The following ALPK2 variants were observed in gnomAD, a reference collection of about 807,000 sequenced individuals.
ALPK2 encodes the protein alpha kinase 2.
ALPK2 carries 127 observed loss-of-function variants against 163.1 expected under a neutral mutation model. That is an observed-to-expected ratio of 0.78 (90% CI 0.67 to 0.90). The LOEUF is 0.90. Ranked by LOEUF, ALPK2 falls within the 40% of genes least tolerant of loss-of-function variation. ALPK2 has a pLI of 0.00. For synonymous variants in ALPK2, 953 were observed against 959.1 expected (o/e 0.99, Z 0.12); for missense variants, 2,360 against 2,589.6 (o/e 0.91, Z 1.92).
intron 1 of ALPK2, among the ~76,000 whole-genome samples, chr18:58,623,806 A>G (rs2052214807): frequency 6.6e-6 from 1 of 152,190 alleles, no homozygotes; most frequent in African/African-American, 2.4e-5. Context: ...GTTCTGTGGA[A>G]GAACATTTTA....
At chr18:58,560,585 A>G (rs979926616) in intron 4 of ALPK2, among the ~76,000 whole-genome samples, 1 of 152,180 alleles carries the variant, frequency 6.6e-6, no homozygotes, top group Non-Finnish European at 1.5e-5. Context: ...GGTCAAAGAT[A>G]ATTTCCCCAT....
At chr18:58,516,256 T>G (rs1023384298) in intron 9 of ALPK2, among the ~76,000 whole-genome samples, 1 of 149,792 alleles carries the variant, frequency 6.7e-6, no homozygotes, top group African/African-American at 2.5e-5. Flanking sequence ...GTGAAATATA[T>G]GGACCAAATA....
intron 11 of ALPK2, among the ~76,000 whole-genome samples, chr18:58,503,518 G>A (rs932806929): frequency 6.6e-6 from 1 of 152,102 alleles, no homozygotes; most frequent in Non-Finnish European, 1.5e-5. Context: ...CGTCCAGGAC[G>A]CTGTCTCTAC....
chr18:58,582,085 A>C (rs182726436), intron 3 of ALPK2, among the ~76,000 whole-genome samples: 1 of 152,330 alleles, frequency 6.6e-6, no homozygotes, highest in African/African-American at 2.4e-5. Context: ...GGTAGAAGCC[A>C]TTCAGGAGCG....
chr18:58,600,027 CTTTTTTTTTTTTTT>C (rs1166291584), intron 3 of ALPK2, among the ~76,000 whole-genome samples: 1 of 66,860 alleles, frequency 1.5e-5, no homozygotes, highest in African/African-American at 6.3e-5. Context: ...ATGGGGATAT[CTTTTTTTTTTTTTT>C]TTTTTTTTTT....
intron 12 of ALPK2, among the ~76,000 whole-genome samples, chr18:58,497,270 C>T (rs963141462): frequency 4.6e-5 from 7 of 152,236 alleles, no homozygotes; most frequent in African/African-American, 1.7e-4. Flanking sequence ...AAGTCATGAG[C>T]TCTCTTTTCC....
intron 4 of ALPK2, among the ~76,000 whole-genome samples, chr18:58,572,444 T>A (rs1421008838): frequency 6.6e-6 from 1 of 152,226 alleles, no homozygotes; most frequent in Non-Finnish European, 1.5e-5. Flanking sequence ...AAAGTCTGTA[T>A]ATAAATGTTT....
chr18:58,576,095 C>T (rs915255600), intron 4 of ALPK2, among the ~76,000 whole-genome samples: 3 of 152,084 alleles, frequency 2.0e-5, no homozygotes, highest in Non-Finnish European at 4.4e-5. Flanking sequence ...CAAATTTGAC[C>T]GAGCGTGGTG....
rs10689097 is a variant in ALPK2, at chr18:58,564,123, C to CTTTTTTT, written c.1962+14684_1962+14690dup. Among the ~76,000 whole-genome samples, 790 of 102,422 alleles carry CTTTTTTT rather than the reference C, an allele frequency of 7.7e-3. 76 individuals carry two copies. Among genetic ancestry groups the CTTTTTTT allele is most frequent in the African/African-American group, 0.03 (731 of 24,166 alleles). The allele number at this position is 102,422 out of a possible 152,430, so 67.2% of individuals were successfully genotyped here. On this transcript the variant is annotated intron_variant, in intron 4 of 12. Transcript: ENST00000361673. The stretch of plus-strand genomic sequence containing the variant: ...GAATTGCGTATTTGATGTCTTTGTT[C>CTTTTTTT]TTTTTTTTTTTTTTTTGAGATGGAG...
At chr18:58,560,983 T>G (rs1423038955) in intron 4 of ALPK2, among the ~76,000 whole-genome samples, 2 of 152,214 alleles carry the variant, frequency 1.3e-5, no homozygotes, top group Non-Finnish European at 2.9e-5. Flanking sequence ...TTACTGTGAT[T>G]GAGATTTTTT....
At chr18:58,596,989 T>TA (rs1395949710) in intron 3 of ALPK2, among the ~76,000 whole-genome samples, 96 of 149,998 alleles carry the variant, frequency 6.4e-4, no homozygotes, top group East Asian at 4.3e-3. Context: ...CCAAGCTAAT[T>TA]AAAAAAAAAC....
At chr18:58,488,083 A>G (rs2051349610) in intron 12 of ALPK2, among the ~76,000 whole-genome samples, 1 of 151,338 alleles carries the variant, frequency 6.6e-6, no homozygotes, top group East Asian at 1.9e-4. Context: ...CCTTTGAGCA[A>G]CAAGGAGATA....
intron 3 of ALPK2, among the ~76,000 whole-genome samples, chr18:58,598,663 T>C (rs1452105980): frequency 6.6e-6 from 1 of 152,174 alleles, no homozygotes; most frequent in Non-Finnish European, 1.5e-5. Context: ...CAGGGCCTGA[T>C]TAGTTTCAGC....
intron 4 of ALPK2, among the ~76,000 whole-genome samples, chr18:58,556,525 AC>A (rs1270949086): frequency 1.3e-5 from 2 of 151,224 alleles, no homozygotes; most frequent in African/African-American, 4.9e-5. Context: ...GTGCATTTCT[AC>A]CTTCAATACG....
chr18:58,536,214 A>G lies in ALPK2; in HGVS notation c.3973T>C (p.Trp1325Arg), dbSNP rs563049567. ...KGEEPTISVH[W>R]RSLSSRGFSQ... The stretch of plus-strand genomic sequence containing the variant: ...AAACCCCGGGAAGAAAGACTTCTCC[A>G]ATGTACACTGATGGTGGGCTCTTCG... The change falls in exon 5 of 13, where the codon TGG becomes CGG. Residue 1325 changes from tryptophan to arginine, a missense_variant. Physicochemically the swap from Trp to Arg is moderately radical, Grantham distance 101. Coordinates refer to ENST00000361673, the MANE Select transcript of ALPK2 (RefSeq NM_052947.4). The G allele has an allele frequency of 3.7e-6, 6 of 1,614,160 alleles. 1 individual carries two copies. In the Admixed American group the frequency reaches 1.0e-4, roughly 27 times the overall value.
chr18:58,626,108 C>T, intron 1 of ALPK2, among the ~76,000 whole-genome samples: 1 of 152,248 alleles, frequency 6.6e-6, no homozygotes, highest in Non-Finnish European at 1.5e-5. Context: ...TCCTTGTGAA[C>T]CTGTCTGTAA....
At chr18:58,621,075 C>G (rs2052196232) in intron 1 of ALPK2, among the ~76,000 whole-genome samples, 1 of 151,410 alleles carries the variant, frequency 6.6e-6, no homozygotes, top group Non-Finnish European at 1.5e-5. Context: ...ATGGCTTGAG[C>G]CTGGGAGGTT....
chr18:58,501,267 T>C (rs2051430161), intron 11 of ALPK2, among the ~76,000 whole-genome samples: 1 of 152,258 alleles, frequency 6.6e-6, no homozygotes, highest in Admixed American at 6.5e-5. Context: ...CCCTGGGTGC[T>C]GCTTTTCAGC....
At position 58,481,817 on chromosome 18, in the gene ALPK2, G is replaced by A. The variant is rs2051312678; in HGVS notation, c.*6C>T. 6.2e-7 allele frequency: 1 copy of A among 1,612,270 alleles called. No homozygotes were observed. The highest frequency in any genetic ancestry group is 8.5e-7 in the Non-Finnish European group (1 of 1,178,504). On this transcript the variant is annotated 3_prime_UTR_variant, in exon 13 of 13. Transcript: ENST00000361673. ...TAGCCAGTGGCCATTAGGTTACCCA[G>A]GGACGTTAGGTTTTCTTTTCGCCTG...
Sources: allele counts gnomAD v4.1 joint callset (sites outside exome capture counted in the v4.1 genomes callset), GRCh38; gene constraint gnomAD v4.1.1; transcripts MANE v1.5; gene names NCBI Gene and HGNC (gene_info 2026-07-23, HGNC 2026-07-21).